The following GRHL1 variants were observed in gnomAD, a reference collection of about 807,000 sequenced individuals.
The protein encoded by GRHL1 is grainyhead like transcription factor 1, also known as grainyhead-like protein 1 homolog.
GRHL1 carries 38 observed loss-of-function variants against 75.7 expected under a neutral mutation model. That is an observed-to-expected ratio of 0.50 (90% confidence interval 0.39 to 0.66). The LOEUF is 0.66. Ranked by LOEUF, GRHL1 falls within the 30% of genes least tolerant of loss-of-function variation. GRHL1 has a pLI of 0.00. For synonymous variants in GRHL1, 266 were observed against 279.4 expected (o/e 0.95, Z 0.48); for missense variants, 589 against 767.5 (o/e 0.77, Z 2.75).
intron 7 of GRHL1, 105 bp from the exon 8 acceptor site, chr2:9,965,182 C>G: frequency 1.5e-6 from 1 of 661,878 alleles, no homozygotes; most frequent in South Asian, 1.9e-5. Flanking sequence ...TTAAATTGTC[C>G]AGAGGTGATA....
In GRHL1 at chr2:9,964,306, C is replaced by T. The variant is rs745318884; in HGVS notation, c.975C>T (p.His325=). 50 of 1,610,940 alleles carry T rather than the reference C, an allele frequency of 3.1e-5. No homozygotes were observed. The highest frequency in any genetic ancestry group is 4.2e-5 in the Non-Finnish European group (49 of 1,177,256). ...AGTTAAGGCATTGGAAGTACTGGCA[C>T]TCCCGGCAGCACACCGCTAAACAAA... ...EDQLRHWKYW[H]SRQHTAKQRC... is the part of the protein sequence containing the mutation. The change falls in exon 7 of 16, where the codon CAC becomes CAT. Residue 325 remains histidine, a synonymous_variant. Transcript: ENST00000324907.
intron 12 of GRHL1, 66 bp downstream of exon 12, chr2:9,993,310 T>C (rs1668723876): frequency 1.5e-6 from 2 of 1,318,724 alleles, no homozygotes; most frequent in East Asian, 4.6e-5. Flanking sequence ...GTAGAAAAAC[T>C]GCAAGTACAG....
In GRHL1 at chr2:10,000,953, A is replaced by C. The variant is rs1669244224; in HGVS notation, c.*246A>C. On this transcript the variant is annotated 3_prime_UTR_variant, in exon 16 of 16. Transcript: ENST00000324907. Reference sequence around the variant, plus strand: ...TATGTTTGAATTTCCTGATATATACAGGATTTAAAGTGAAAACTTTATTCC... The same window carrying C: ...TATGTTTGAATTTCCTGATATATACCGGATTTAAAGTGAAAACTTTATTCC... The C allele has an allele frequency of 6.3e-6, 2 of 316,904 alleles. No individual in the cohort carries two copies. The highest frequency in any genetic ancestry group is 5.2e-5 in the East Asian group (1 of 19,190). 19.6% of individuals were successfully genotyped at this position (316,904 alleles called of 1,614,324 possible).
In GRHL1 at chr2:9,990,872, C is replaced by G. The variant is rs951961559; in HGVS notation, c.1321+125C>G. The G allele has an allele frequency of 2.6e-5, 19 of 717,700 alleles. No homozygotes were observed. Among genetic ancestry groups the G allele is most frequent in the Admixed American group, 1.2e-4 (5 of 40,360 alleles). 44.5% of individuals were successfully genotyped at this position (717,700 alleles called of 1,614,324 possible). On this transcript the variant is annotated intron_variant, in intron 10 of 15. Coordinates refer to ENST00000324907, the MANE Select transcript of GRHL1 (RefSeq NM_198182.3). The surrounding 1 kb of genome is among the most constrained non-coding windows in gnomAD (Gnocchi z 4.2). ...CACGCAGAAGACAGTGGGTGTTCTT[C>G]CTGTTCTGCAGTGTGGCACTGCCTC...
chr2:9,998,879 CATATATATACATATATATAT>C (rs1669131473), intron 14 of GRHL1, 66 bp from the exon 15 acceptor site: 1 of 204,270 alleles, frequency 4.9e-6, no homozygotes, highest in Non-Finnish European at 8.1e-6. Flanking sequence ...TATATGTACA[CATATATATACATATATATAT>C]ATTTGTTGTT....
At chr2:9,991,670 A>G (rs1325969234) in intron 10 of GRHL1, among the ~76,000 whole-genome samples, 2 of 152,258 alleles carry the variant, frequency 1.3e-5, no homozygotes, top group African/African-American at 4.8e-5. Flanking sequence ...TTTCTTCCAA[A>G]TTATGTTTAC....
intron 9 of GRHL1, among the ~76,000 whole-genome samples, chr2:9,989,673 C>T (rs373996906): frequency 1.7e-4 from 26 of 152,204 alleles, no homozygotes; most frequent in African/African-American, 2.6e-4. Context: ...CTCAGCCTCC[C>T]GAGTAGCTGG....
Position 10,000,579 on chromosome 2 carries a change from C to A in GRHL1, c.1743-14C>A. 1.3e-6 allele frequency: 2 copies of A among 1,510,894 alleles called. No individual in the cohort carries two copies. The highest frequency in any genetic ancestry group is 1.4e-5 in the African/African-American group (1 of 72,718). 93.6% of individuals were successfully genotyped at this position (1,510,894 alleles called of 1,614,324 possible). A position where few individuals can be genotyped will look rare whatever the true frequency, so the allele number is the denominator to read the frequency against. On this transcript the variant is annotated splice_polypyrimidine_tract_variant and intron_variant, in intron 15 of 15. Coordinates refer to ENST00000324907, the MANE Select transcript of GRHL1 (RefSeq NM_198182.3). The stretch of plus-strand genomic sequence containing the variant: ...TGGCAGTGAAGTTGGTTGGTCTTGT[C>A]CCCCCCCATCCAGGATCCTGGTGAA...
chr2:9,995,067 T>C (rs1221612246), intron 12 of GRHL1, among the ~76,000 whole-genome samples: 1 of 152,154 alleles, frequency 6.6e-6, no homozygotes, highest in Non-Finnish European at 1.5e-5. Flanking sequence ...TTCCCTCTTC[T>C]CTGCCATGTA....
At chr2:9,965,451 A>T in intron 8 of GRHL1, 70 bp downstream of exon 8, 1 of 834,020 alleles carries the variant, frequency 1.2e-6, no homozygotes, top group Non-Finnish European at 2.0e-6. Flanking sequence ...TGATTTGACA[A>T]CTGATTTTTT....
In GRHL1 at chr2:9,965,491, T is replaced by C. The variant is rs1190283544; in HGVS notation, c.1110+110T>C. 19 of 646,086 alleles carry C rather than the reference T, an allele frequency of 2.9e-5. No individual in the cohort carries two copies. In the East Asian group the frequency reaches 5.0e-4, roughly 17 times the overall value. 40.0% of individuals were successfully genotyped at this position (646,086 alleles called of 1,614,324 possible). On this transcript the variant is annotated intron_variant, in intron 8 of 15. Transcript: ENST00000324907. ...TTTCACAGTTTTATGTGTTTCATTC[T>C]CAGGTGTTATGAAACTATCCTCTTC...
At chr2:9,952,572 AGT>A (rs1306284109) in intron 1 of GRHL1, among the ~76,000 whole-genome samples, 1 of 152,192 alleles carries the variant, frequency 6.6e-6, no homozygotes, top group Non-Finnish European at 1.5e-5. Flanking sequence ...TGCTTTTTAG[AGT>A]GTGTGATTTA....
At chr2:9,975,851 A>T (rs1667926931) in intron 8 of GRHL1, among the ~76,000 whole-genome samples, 1 of 152,168 alleles carries the variant, frequency 6.6e-6, no homozygotes. Context: ...GCACCATTGC[A>T]TTCCAGCCTG....
rs1667408514 is a variant in GRHL1, at chr2:9,964,557, G to A, written c.1015+211G>A. 8.5e-6 allele frequency: 4 copies of A among 471,290 alleles called. No homozygotes were observed. The Admixed American group carries it at 1.5e-4, about 18-fold the overall frequency. 29.2% of individuals were successfully genotyped at this position (471,290 alleles called of 1,614,324 possible). ...GTAATGGGACATGTGCCCACGTGGT[G>A]GCTTTCCACAGGACACTAGGGCCAG... is the stretch of plus-strand genomic sequence containing the variant. On this transcript the variant is annotated intron_variant, in intron 7 of 15. Transcript: ENST00000324907.
chr2:9,977,085 C>G (rs1204861049), intron 8 of GRHL1, among the ~76,000 whole-genome samples: 1 of 152,116 alleles, frequency 6.6e-6, no homozygotes, highest in Non-Finnish European at 1.5e-5. Context: ...TTAGGGGGTC[C>G]TCTACTAGAG....
rs1318371986 is a variant in GRHL1 at position 10,000,705 on chromosome 2, T to TA, written c.*1dup. 1 of 1,561,234 alleles carries TA rather than the reference T, an allele frequency of 6.4e-7. No homozygotes were observed. Among genetic ancestry groups the TA allele is most frequent in the South Asian group, 1.1e-5 (1 of 89,720 alleles). The change falls in exon 16 of 16, where the codon TAA becomes TAAA. Residue 619 remains the stop codon, a frameshift_variant and stop_retained_variant. Coordinates refer to ENST00000324907, the MANE Select transcript of GRHL1 (RefSeq NM_198182.3). LOFTEE classifies it high-confidence loss of function. ...GSYKLTLTEI[*] The stretch of plus-strand genomic sequence containing the variant: ...TTACAAGCTCACCCTGACGGAGATC[T>TA]AAAGGCCTGCGGGCCACAGCTCCCC...
rs1558323384 is a variant in GRHL1, at chr2:10,000,677, G to A, written c.1827G>A (p.Gly609=). 4 of 1,608,512 alleles carry A rather than the reference G, an allele frequency of 2.5e-6. No homozygotes were observed. The highest frequency in any genetic ancestry group is 3.4e-6 in the Non-Finnish European group (4 of 1,175,004). The change falls in exon 16 of 16, where the codon GGG becomes GGA. Residue 609 remains glycine (G), a synonymous_variant. Transcript: ENST00000324907. ...TFQLQIEEAG[G]SYKLTLTEI ...AGCTGCAGATTGAAGAAGCCGGGGG[G>A]TCTTACAAGCTCACCCTGACGGAGA...
Position 9,951,769 on chromosome 2 carries a change from G to T in GRHL1, c.-65G>T. On this transcript the variant is annotated 5_prime_UTR_variant, in exon 1 of 16. Coordinates refer to ENST00000324907, the MANE Select transcript of GRHL1 (RefSeq NM_198182.3). The surrounding 1 kb of genome is among the most constrained non-coding windows in gnomAD (Gnocchi z 4.2). ...GCCGCCGCCGCCGCCTCCTCCCCCCGGATCGGGTGTACTGTCCCAACCCGA... is the reference window on the plus strand; with the variant it reads ...GCCGCCGCCGCCGCCTCCTCCCCCCTGATCGGGTGTACTGTCCCAACCCGA... 6.9e-7 allele frequency: 1 copy of T among 1,456,086 alleles called. No individual in the cohort carries two copies. The highest frequency in any genetic ancestry group is 9.2e-7 in the Non-Finnish European group (1 of 1,089,028). 90.2% of individuals were successfully genotyped at this position (1,456,086 alleles called of 1,614,324 possible). A position where few individuals can be genotyped will look rare whatever the true frequency, so the allele number is the denominator to read the frequency against.
Position 9,990,264 on chromosome 2 carries a change from C to G in GRHL1, c.1270-432C>G, listed in dbSNP as rs1213289087. Among the ~76,000 whole-genome samples the G allele has an allele frequency of 6.6e-6, 1 of 152,052 alleles. No individual in the cohort carries two copies. The highest frequency in any genetic ancestry group is 1.5e-5 in the Non-Finnish European group (1 of 68,020). On this transcript the variant is annotated intron_variant, in intron 9 of 15. Coordinates refer to ENST00000324907, the MANE Select transcript of GRHL1 (RefSeq NM_198182.3). This position sits in a 1 kb window ranked among gnomAD's most constrained non-coding sequence, Gnocchi z 4.2. ...CTCAGGGGTTCAAGCAGTTCTCCTG[C>G]CTCAGCCTCCCAAGTAGCTGGGACT...
Sources: gnomAD v4.1 joint callset for allele counts (sites outside exome capture counted in the v4.1 genomes callset) on GRCh38, gnomAD v4.1.1 for gene constraint, Gnocchi (gnomAD v3.1) non-coding constraint, MANE v1.5 for transcripts, NCBI Gene and HGNC (gene_info 2026-07-23, HGNC 2026-07-21) for gene names.